HDAC5: variants seen among roughly 807,000 people sequenced by gnomAD.
The protein encoded by HDAC5 is antigen NY-CO-9.
In HDAC5, 25 loss-of-function variants were observed where a neutral mutation model predicts 133.3. The observed-to-expected ratio is 0.19, with a 90% CI of 0.14 to 0.26. HDAC5 has a LOEUF of 0.26. HDAC5 is among the 10% of genes least tolerant of loss of function. HDAC5 has a pLI of 1.00. For synonymous variants in HDAC5, 589 were observed against 610.8 expected (o/e 0.96, Z 0.53); for missense variants, 1,041 against 1,460.5 (o/e 0.71, Z 4.68).
chr17:44,096,252 CCTCA>C (rs2051264358), intron 3 of HDAC5, among the ~76,000 whole-genome samples: 1 of 151,990 alleles, frequency 6.6e-6, no homozygotes, highest in African/African-American at 2.4e-5. Context: ...CAAAGAAAGC[CCTCA>C]CTCTCCTCGC....
At chr17:44,089,719 C>T (rs1368152077) in intron 11 of HDAC5, among the ~76,000 whole-genome samples, 7 of 134,314 alleles carry the variant, frequency 5.2e-5, no homozygotes, top group Non-Finnish European at 9.1e-5. Flanking sequence ...TGCACTCCAG[C>T]CTGGGCAACA....
intron 2 of HDAC5, among the ~76,000 whole-genome samples, chr17:44,115,547 G>A (rs1252018098): frequency 1.3e-5 from 2 of 152,222 alleles, no homozygotes; most frequent in Non-Finnish European, 2.9e-5. Context: ...CAGACGCTAG[G>A]CCCCTCAGAA....
chr17:44,090,247 C>T (rs544306265), intron 11 of HDAC5, among the ~76,000 whole-genome samples: 3 of 151,926 alleles, frequency 2.0e-5, no homozygotes, highest in Non-Finnish European at 2.9e-5. Context: ...AAAAGACCAG[C>T]CTGGGTAACA....
chr17:44,121,624 G>A (rs1418823602), intron 1 of HDAC5, among the ~76,000 whole-genome samples: 1 of 151,488 alleles, frequency 6.6e-6, no homozygotes, highest in African/African-American at 2.4e-5. Context: ...CCACTATGCG[G>A]GAACACAAAT....
At chr17:44,092,852 C>T in intron 6 of HDAC5, 46 bp from the exon 7 acceptor site, 1 of 813,008 alleles carries the variant, frequency 1.2e-6, no homozygotes, top group Non-Finnish European at 1.9e-6. Context: ...TAGGTTATCA[C>T]CCAGTCTGCT....
intron 6 of HDAC5, 29 bp from the exon 7 acceptor site, chr17:44,092,835 G>T: frequency 2.4e-6 from 2 of 843,478 alleles, no homozygotes; most frequent in Non-Finnish European, 3.7e-6. Context: ...GGGGATGGAA[G>T]CAGATCTAGG....
chr17:44,084,961 C>G lies in HDAC5; in HGVS notation c.2184+61G>C. ...GGAAGAAGCATGAAGAGAGGCTTATCTAACAGGGAAACAAAGGCTGGATTT... is the reference window on the plus strand; with the variant it reads ...GGAAGAAGCATGAAGAGAGGCTTATGTAACAGGGAAACAAAGGCTGGATTT... On this transcript the variant is annotated intron_variant, in intron 15 of 26. Transcript: ENST00000682912. 2.6e-6 allele frequency: 4 copies of G among 1,541,466 alleles called. No individual in the cohort carries two copies. In the South Asian group the frequency reaches 3.6e-5, roughly 14 times the overall value.
At chr17:44,102,520 C>T (rs1328689868) in intron 3 of HDAC5, among the ~76,000 whole-genome samples, 2 of 152,028 alleles carry the variant, frequency 1.3e-5, no homozygotes, top group African/African-American at 4.8e-5. Flanking sequence ...GCCACCACAC[C>T]CAGCTAATTT....
chr17:44,091,815 C>G lies in HDAC5; in HGVS notation c.1049G>C (p.Arg350Pro), dbSNP rs773720314. 5 of 1,574,416 alleles carry G rather than the reference C, an allele frequency of 3.2e-6. No individual in the cohort carries two copies. Among genetic ancestry groups the G allele is most frequent in the Middle Eastern group, 1.7e-4 (1 of 5,858 alleles). The change falls in exon 10 of 27, where the codon CGA becomes CCA. Residue 350 changes from arginine (R) to proline (P), a missense_variant. Physicochemically the swap from Arg to Pro is moderately radical, Grantham distance 103. Coordinates refer to ENST00000682912, the MANE Select transcript of HDAC5 (RefSeq NM_005474.5). The part of the protein sequence containing the change: ...NIPTEMLPQH[R>P]ALPLDSSPNQ... The stretch of plus-strand genomic sequence containing the variant: ...GGGGGAGCTGTCCAGAGGGAGGGCT[C>G]GGTGCTGAGGGAGCATCTGGGGAGC...
At chr17:44,095,100 CATA>C (rs1435632904) in intron 3 of HDAC5, among the ~76,000 whole-genome samples, 2 of 152,140 alleles carry the variant, frequency 1.3e-5, no homozygotes, top group African/African-American at 2.4e-5. Context: ...GCCTTCAACA[CATA>C]ATATTATCAT....
At chr17:44,111,510 T>C in intron 2 of HDAC5, 1 of 472,336 alleles carries the variant, frequency 2.1e-6, no homozygotes, top group Admixed American at 2.2e-5. Flanking sequence ...CTCTGGCTGC[T>C]ACTCTTGGCA....
chr17:44,104,454 T>C (rs1217556590), intron 3 of HDAC5, among the ~76,000 whole-genome samples: 2 of 152,232 alleles, frequency 1.3e-5, no homozygotes, highest in African/African-American at 4.8e-5. Context: ...GTCTTAGCAC[T>C]CATTTCAGAC....
rs369344536 is a variant in HDAC5, at chr17:44,093,292, G to A, written c.526+22C>T. On this transcript the variant is annotated intron_variant, in intron 5 of 26. Transcript: ENST00000682912. ...GGCATCACGGGCGGGGCCCTACGAGGTCCCAGGAGGCCCTGCCTTACTCTC... is the reference window on the plus strand; with the variant it reads ...GGCATCACGGGCGGGGCCCTACGAGATCCCAGGAGGCCCTGCCTTACTCTC... 1.7e-4 allele frequency: 269 copies of A among 1,581,380 alleles called. No homozygotes were observed. In the African/African-American group the frequency reaches 3.1e-3, roughly 18 times the overall value.
intron 3 of HDAC5, among the ~76,000 whole-genome samples, chr17:44,100,612 A>C (rs2051541892): frequency 6.8e-6 from 1 of 147,168 alleles, no homozygotes; most frequent in Non-Finnish European, 1.5e-5. Flanking sequence ...TTAGCTGGGC[A>C]TGGTGGCCCA....
At chr17:44,079,943 T>C (rs2050312659) in intron 23 of HDAC5, among the ~76,000 whole-genome samples, 164 bp downstream of exon 23, 1 of 152,086 alleles carries the variant, frequency 6.6e-6, no homozygotes, top group Non-Finnish European at 1.5e-5. Context: ...AGGCCGGGGT[T>C]GGCAGAGGAC....
chr17:44,090,576 T>C (rs1387383563), intron 11 of HDAC5, among the ~76,000 whole-genome samples: 6 of 151,342 alleles, frequency 4.0e-5, no homozygotes, highest in African/African-American at 7.3e-5. Context: ...GATTTCACCA[T>C]GTTGGCCAGG....
chr17:44,117,624 G>C lies in HDAC5; in HGVS notation c.-109C>G. The C allele has an allele frequency of 7.4e-7, 1 of 1,354,556 alleles. No homozygotes were observed. Among genetic ancestry groups the C allele is most frequent in the African/African-American group, 1.4e-5 (1 of 70,230 alleles). The allele number at this position is 1,354,556 out of a possible 1,614,324, so 83.9% of individuals were successfully genotyped here. On this transcript the variant is annotated 5_prime_UTR_variant, in exon 2 of 27. Coordinates refer to ENST00000682912, the MANE Select transcript of HDAC5 (RefSeq NM_005474.5). This position sits in a 1 kb window ranked among gnomAD's most constrained non-coding sequence, Gnocchi z 4.2. ...GATAACAGACAGACGGACGGGACGG[G>C]AGCCCGGGGCCGCCGTGCCTCTAAT...
intron 3 of HDAC5, among the ~76,000 whole-genome samples, chr17:44,110,443 C>CA (rs1317910964): frequency 2.0e-5 from 3 of 152,192 alleles, no homozygotes; most frequent in African/African-American, 7.2e-5. Context: ...CAGGATCCTC[C>CA]AGTAACCCCC....
At chr17:44,095,630 C>G (rs1392559217) in intron 3 of HDAC5, among the ~76,000 whole-genome samples, 2 of 152,050 alleles carry the variant, frequency 1.3e-5, no homozygotes, top group Non-Finnish European at 2.9e-5. Context: ...GGATTATCTC[C>G]TTTCAACAGT....
Sources: gnomAD v4.1 joint callset for allele counts (sites outside exome capture counted in the v4.1 genomes callset) on GRCh38, gnomAD v4.1.1 for gene constraint, Gnocchi (gnomAD v3.1) non-coding constraint, MANE v1.5 for transcripts, NCBI Gene and HGNC (gene_info 2026-07-23, HGNC 2026-07-21) for gene names.